ZCWPW2: variants seen among roughly 807,000 people sequenced by gnomAD.
The protein encoded by ZCWPW2 is zinc finger CW-type PWWP domain protein 2.
A neutral mutation model predicts 46.6 loss-of-function variants in ZCWPW2; 45 were observed. The ratio of observed to expected loss-of-function variants is 0.96; its 90% CI spans 0.76 to 1.24. The LOEUF is 1.24. Ranked by LOEUF, ZCWPW2 falls within the 50% of genes most tolerant of loss-of-function variation. The probability of loss-of-function intolerance (pLI) is 0.00; values close to 1 mark genes in which losing one functional copy is unlikely to be tolerated. For synonymous variants in ZCWPW2, 152 were observed against 137.1 expected (o/e 1.11, Z -0.76); for missense variants, 429 against 403.9 (o/e 1.06, Z -0.53).
Position 28,380,336 on chromosome 3 carries a change from A to G in ZCWPW2, c.-133-10162A>G, listed in dbSNP as rs559489287. On this transcript the variant is annotated intron_variant, in intron 1 of 9. Coordinates refer to ENST00000383768, the MANE Select transcript of ZCWPW2 (RefSeq NM_001040432.4). Reference sequence around the variant, plus strand: ...TTCCCCTCACCACCCGTATAAATGTATGTCATAACTTGCTCTGACCCCACA... The same window carrying G: ...TTCCCCTCACCACCCGTATAAATGTGTGTCATAACTTGCTCTGACCCCACA... Among the ~76,000 whole-genome samples the G allele has an allele frequency of 4.2e-4, 64 of 152,156 alleles. 1 individual carries two copies. Among genetic ancestry groups the G allele is most frequent in the African/African-American group, 1.5e-3 (63 of 41,520 alleles).
At chr3:28,494,760 C>G (rs1699929290) in intron 6 of ZCWPW2, among the ~76,000 whole-genome samples, 1 of 140,430 alleles carries the variant, frequency 7.1e-6, no homozygotes, top group Non-Finnish European at 1.5e-5. Flanking sequence ...GTACAAAAAT[C>G]ACAAGCATTC....
At chr3:28,381,862 T>G (rs1280104336) in intron 1 of ZCWPW2, among the ~76,000 whole-genome samples, 2 of 152,042 alleles carry the variant, frequency 1.3e-5, no homozygotes, top group Non-Finnish European at 2.9e-5. Flanking sequence ...ACAGATTGGC[T>G]GGCTTAAAGA....
At chr3:28,523,040 G>T (rs748944364) in intron 9 of ZCWPW2, among the ~76,000 whole-genome samples, 1 of 152,170 alleles carries the variant, frequency 6.6e-6, no homozygotes, top group Non-Finnish European at 1.5e-5. Context: ...GTAGTAACTT[G>T]ATAGAACAGA....
intron 4 of ZCWPW2, among the ~76,000 whole-genome samples, chr3:28,473,368 G>C (rs1386358232): frequency 6.6e-6 from 1 of 152,098 alleles, no homozygotes; most frequent in African/African-American, 2.4e-5. Flanking sequence ...CCAGCTACTT[G>C]GGAGGCTGAG....
At chr3:28,403,777 A>G (rs1358016293) in intron 2 of ZCWPW2, among the ~76,000 whole-genome samples, 1 of 152,178 alleles carries the variant, frequency 6.6e-6, no homozygotes, top group Non-Finnish European at 1.5e-5. Flanking sequence ...CAAAGCAAAA[A>G]AAACATAAAG....
chr3:28,459,935 T>G (rs1433668509), intron 4 of ZCWPW2, among the ~76,000 whole-genome samples: 1 of 152,174 alleles, frequency 6.6e-6, no homozygotes, highest in East Asian at 1.9e-4. Context: ...TATGTTAAAG[T>G]CTAGGTGAAT....
intron 5 of ZCWPW2, among the ~76,000 whole-genome samples, chr3:28,485,525 C>T (rs1451532410): frequency 6.6e-6 from 1 of 152,140 alleles, no homozygotes; most frequent in African/African-American, 2.4e-5. Context: ...ATTTATTTCT[C>T]TCTGCAGTTC....
At chr3:28,509,925 C>A (rs1021264954) in intron 6 of ZCWPW2, among the ~76,000 whole-genome samples, 3 of 152,074 alleles carry the variant, frequency 2.0e-5, no homozygotes, top group African/African-American at 4.8e-5. Context: ...CCTGTGTTTT[C>A]TTCTGAGAGT....
intron 6 of ZCWPW2, among the ~76,000 whole-genome samples, chr3:28,511,592 G>A (rs1700426734): frequency 6.6e-6 from 1 of 151,402 alleles, no homozygotes; most frequent in Admixed American, 6.6e-5. Flanking sequence ...ATGCTTAATG[G>A]GTTTAACAAT....
At chr3:28,483,435 GTTC>G (rs1348141209) in intron 5 of ZCWPW2, among the ~76,000 whole-genome samples, 33 of 152,212 alleles carry the variant, frequency 2.2e-4, no homozygotes, top group African/African-American at 6.7e-4. Context: ...CTCCAGCATT[GTTC>G]TTCTCCTTCC....
intron 3 of ZCWPW2, among the ~76,000 whole-genome samples, chr3:28,429,070 G>A (rs567146347): frequency 6.6e-6 from 1 of 152,302 alleles, no homozygotes; most frequent in Admixed American, 6.5e-5. Context: ...GAACTAGGTA[G>A]CAGGCTGAGA....
intron 2 of ZCWPW2, among the ~76,000 whole-genome samples, chr3:28,394,125 A>G (rs1695602229): frequency 6.6e-6 from 1 of 152,122 alleles, no homozygotes; most frequent in African/African-American, 2.4e-5. Flanking sequence ...GTTTTTGTAC[A>G]CTAACAAGAG....
rs116119735 is a variant in ZCWPW2 at position 28,515,601 on chromosome 3, C to A, written c.764C>A (p.Ala255Asp). Residue 255 changes from alanine to aspartate, a missense_variant, in exon 8 of 10, where the codon GCC becomes GAC. Ala to Asp is a moderately radical substitution (Grantham distance 126). Coordinates refer to ENST00000383768, the MANE Select transcript of ZCWPW2 (RefSeq NM_001040432.4). ...CSFENVYSDD[A>D]LSKENRVVCE... ...TTTGAAAATGTTTATTCTGATGATGCCTTATCAAAGGAGAACAGGGGTATG... is the reference window on the plus strand; with the variant it reads ...TTTGAAAATGTTTATTCTGATGATGACTTATCAAAGGAGAACAGGGGTATG... 1.9e-6 allele frequency: 3 copies of A among 1,604,634 alleles called. No individual in the cohort carries two copies. The highest frequency in any genetic ancestry group is 1.7e-6 in the Non-Finnish European group (2 of 1,178,936).
chr3:28,465,758 CA>C (rs61207952), intron 4 of ZCWPW2, among the ~76,000 whole-genome samples: 33 of 149,770 alleles, frequency 2.2e-4, no homozygotes, highest in African/African-American at 7.1e-4. Context: ...AACAATCAAA[CA>C]AAAAAAAACT....
rs1381924951 is a variant in ZCWPW2, at chr3:28,524,738, T to C, written c.*50T>C. ...TTATAAAAATATTGGCATCTTTATA[T>C]TTATCCAAAGTTAAAACTTTAAAAA... On this transcript the variant is annotated 3_prime_UTR_variant, in exon 10 of 10. Transcript: ENST00000383768. 4 of 1,351,904 alleles carry C rather than the reference T, an allele frequency of 3.0e-6. No homozygotes were observed. Among genetic ancestry groups the C allele is most frequent in the Non-Finnish European group, 3.9e-6 (4 of 1,022,912 alleles). The allele number at this position is 1,351,904 out of a possible 1,614,324, so 83.7% of individuals were successfully genotyped here. A position where few individuals can be genotyped will look rare whatever the true frequency, so the allele number is the denominator to read the frequency against.
chr3:28,451,788 G>T (rs1441292289), intron 4 of ZCWPW2, among the ~76,000 whole-genome samples: 1 of 152,084 alleles, frequency 6.6e-6, no homozygotes, highest in African/African-American at 2.4e-5. Flanking sequence ...TCAGAGTAGT[G>T]GAGTGAAACA....
intron 4 of ZCWPW2, among the ~76,000 whole-genome samples, chr3:28,449,978 C>A (rs1698160313): frequency 6.6e-6 from 1 of 152,124 alleles, no homozygotes; most frequent in Non-Finnish European, 1.5e-5. Context: ...TCTTGCTGTG[C>A]ATTAGGAAGC....
chr3:28,394,602 C>T (rs986948040), intron 2 of ZCWPW2, among the ~76,000 whole-genome samples: 44 of 152,020 alleles, frequency 2.9e-4, no homozygotes, highest in African/African-American at 1.1e-3. Context: ...GAAATAAACC[C>T]ATGCATATAC....
chr3:28,357,832 T>C (rs1009536981), intron 1 of ZCWPW2, among the ~76,000 whole-genome samples: 1 of 148,702 alleles, frequency 6.7e-6, no homozygotes, highest in African/African-American at 2.5e-5. Flanking sequence ...TCCATACATA[T>C]ATATCTGTGC....
Sources: gnomAD v4.1 joint callset for allele counts (sites outside exome capture counted in the v4.1 genomes callset) on GRCh38, gnomAD v4.1.1 for gene constraint, MANE v1.5 for transcripts, NCBI Gene and HGNC (gene_info 2026-07-23, HGNC 2026-07-21) for gene names.